MALRD1: variants seen among roughly 807,000 people sequenced by gnomAD.
MALRD1 encodes the protein MAM and LDL-receptor class A domain-containing protein 1.
A neutral mutation model predicts 242.1 loss-of-function variants in MALRD1; 247 were observed. That is an observed-to-expected ratio of 1.02 (90% CI 0.92 to 1.13). The LOEUF is 1.13. MALRD1 is among the 50% of genes most tolerant of loss of function. MALRD1 has a pLI of 0.00. For missense variants in MALRD1, 2,989 were observed against 2,533.1 expected (o/e 1.18, Z -3.86); for synonymous variants, 995 against 866.6 (o/e 1.15, Z -2.60).
At chr10:19,384,208 G>T (rs1845957682) in intron 26 of MALRD1, among the ~76,000 whole-genome samples, 3 of 146,554 alleles carry the variant, frequency 2.0e-5, no homozygotes, top group South Asian at 4.2e-4. Flanking sequence ...TTTAAATCAG[G>T]TTACCTGAGT....
At chr10:19,696,216 G>T (rs1303509556) in intron 38 of MALRD1, among the ~76,000 whole-genome samples, 2 of 152,138 alleles carry the variant, frequency 1.3e-5, no homozygotes, top group African/African-American at 4.8e-5. Flanking sequence ...TAAGGGTCCT[G>T]GATCTTTTCA....
At chr10:19,218,787 T>G (rs906600976) in intron 18 of MALRD1, among the ~76,000 whole-genome samples, 1 of 152,132 alleles carries the variant, frequency 6.6e-6, no homozygotes, top group Non-Finnish European at 1.5e-5. Flanking sequence ...ATCCATATTA[T>G]TCACAGAAGT....
At chr10:19,070,428 A>G (rs574940117) in intron 2 of MALRD1, among the ~76,000 whole-genome samples, 2 of 152,146 alleles carry the variant, frequency 1.3e-5, no homozygotes, top group Admixed American at 1.3e-4. Context: ...CCCTCTAAAG[A>G]TATATCACTT....
At chr10:19,400,307 A>G (rs972728856) in intron 28 of MALRD1, among the ~76,000 whole-genome samples, 2 of 152,182 alleles carry the variant, frequency 1.3e-5, no homozygotes, top group Non-Finnish European at 2.9e-5. Flanking sequence ...CATGTGCTAC[A>G]TTCTTGGCAC....
At chr10:19,726,606 C>T (rs965645350) in intron 38 of MALRD1, among the ~76,000 whole-genome samples, 1 of 152,002 alleles carries the variant, frequency 6.6e-6, no homozygotes, top group Non-Finnish European at 1.5e-5. Context: ...TTATATACCT[C>T]GAAGAATCAA....
At chr10:19,551,570 G>A (rs540638876) in intron 32 of MALRD1, among the ~76,000 whole-genome samples, 1 of 152,098 alleles carries the variant, frequency 6.6e-6, no homozygotes, top group Non-Finnish European at 1.5e-5. Context: ...TTAACTTTCT[G>A]TCTTCCTTTT....
At chr10:19,219,663 A>G (rs1837476296) in intron 18 of MALRD1, among the ~76,000 whole-genome samples, 1 of 152,100 alleles carries the variant, frequency 6.6e-6, no homozygotes, top group Non-Finnish European at 1.5e-5. Context: ...AGCTCAAGAG[A>G]TCTTCTCACC....
intron 30 of MALRD1, among the ~76,000 whole-genome samples, chr10:19,497,196 C>G (rs11010181): frequency 6.6e-6 from 1 of 151,926 alleles, no homozygotes; most frequent in Non-Finnish European, 1.5e-5. Context: ...TGATGACTGT[C>G]TTTTATGTCC....
chr10:19,640,342 G>A lies in MALRD1; in HGVS notation c.6137+24419G>A, dbSNP rs148150514. On this transcript the variant is annotated intron_variant, in intron 36 of 39. Transcript: ENST00000454679. ...GACCTCAGGTGGTCCACCCACCTCG[G>A]CCTCCCAAAATGCTGTGATTACAGG... is the stretch of plus-strand genomic sequence containing the variant. 1.5e-3 allele frequency among the ~76,000 whole-genome samples: 223 copies of A among 151,298 alleles called. 1 individual carries two copies. The East Asian group carries it at 0.028, about 19-fold the overall frequency.
At chr10:19,240,628 C>T (rs1416680260) in intron 18 of MALRD1, among the ~76,000 whole-genome samples, 1 of 152,040 alleles carries the variant, frequency 6.6e-6, no homozygotes. Context: ...TAGAAGTTGA[C>T]ATCCTTGTCT....
At chr10:19,711,896 A>T (rs11812610) in intron 38 of MALRD1, among the ~76,000 whole-genome samples, 1 of 152,118 alleles carries the variant, frequency 6.6e-6, no homozygotes, top group South Asian at 2.1e-4. Flanking sequence ...AAGAAATATA[A>T]CCATCTGTGG....
intron 21 of MALRD1, among the ~76,000 whole-genome samples, chr10:19,301,370 A>C (rs1416604022): frequency 6.6e-6 from 1 of 151,794 alleles, no homozygotes; most frequent in Admixed American, 6.6e-5. Flanking sequence ...GTATATATCC[A>C]AAGCAATATA....
chr10:19,574,514 G>C (rs1311163981), intron 33 of MALRD1, among the ~76,000 whole-genome samples: 1 of 152,192 alleles, frequency 6.6e-6, no homozygotes, highest in East Asian at 1.9e-4. Context: ...GACAGGCAGA[G>C]AGAAAGAGAG....
intron 31 of MALRD1, among the ~76,000 whole-genome samples, chr10:19,516,706 TC>T (rs1364610457): frequency 7.8e-6 from 1 of 128,942 alleles, no homozygotes; most frequent in Non-Finnish European, 1.6e-5. Flanking sequence ...CCTCCCTCCC[TC>T]CCTTGCTTAC....
chr10:19,144,520 T>A (rs909157890), intron 10 of MALRD1, among the ~76,000 whole-genome samples: 2 of 152,228 alleles, frequency 1.3e-5, no homozygotes, highest in African/African-American at 4.8e-5. Context: ...AAATCAGGTG[T>A]CCCTATTACA....
intron 32 of MALRD1, among the ~76,000 whole-genome samples, chr10:19,538,946 A>G (rs543859908): frequency 6.6e-6 from 1 of 152,278 alleles, no homozygotes; most frequent in East Asian, 1.9e-4. Context: ...GGCCTAAATG[A>G]GTTTCAGTAA....
chr10:19,126,529 T>G (rs1837288183), intron 7 of MALRD1, among the ~76,000 whole-genome samples: 1 of 152,094 alleles, frequency 6.6e-6, no homozygotes, highest in African/African-American at 2.4e-5. Context: ...TATTTTTGTT[T>G]TAAGTGTATA....
At chr10:19,416,322 T>C (rs942718874) in intron 28 of MALRD1, among the ~76,000 whole-genome samples, 6 of 152,288 alleles carry the variant, frequency 3.9e-5, no homozygotes, top group Admixed American at 3.3e-4. Context: ...TGTGATTTGT[T>C]GTTATCAGCC....
At chr10:19,473,276 C>A (rs1232515928) in intron 29 of MALRD1, among the ~76,000 whole-genome samples, 1 of 151,406 alleles carries the variant, frequency 6.6e-6, no homozygotes, top group Admixed American at 6.6e-5. Flanking sequence ...AGACAACAAG[C>A]AAATAAATAG....
Sources: allele counts gnomAD v4.1 joint callset (sites outside exome capture counted in the v4.1 genomes callset), GRCh38; gene constraint gnomAD v4.1.1; transcripts MANE v1.5; gene names NCBI Gene and HGNC (gene_info 2026-07-23, HGNC 2026-07-21).